KLF12: variants seen among roughly 807,000 people sequenced by gnomAD.
KLF12 encodes Krueppel-like factor 12.
KLF12 carries 9 observed loss-of-function variants against 37.8 expected under a neutral mutation model. The ratio of observed to expected loss-of-function variants is 0.24; its 90% CI spans 0.14 to 0.42. The LOEUF (loss-of-function observed/expected upper bound fraction) is 0.42. Among genes scored for constraint, KLF12 ranks in the 10% least tolerant of loss-of-function variants. KLF12 has a pLI of 1.00. For synonymous variants in KLF12, 208 were observed against 202.1 expected, an observed-to-expected ratio of 1.03 and a Z score of -0.25; for missense variants, 411 against 516.0, an observed-to-expected ratio of 0.80 and a Z score of 1.97.
chr13:73,748,057 T>C (rs558188029), intron 6 of KLF12, among the ~76,000 whole-genome samples: 27 of 152,282 alleles, frequency 1.8e-4, no homozygotes, highest in African/African-American at 6.0e-4. Flanking sequence ...GAGGGAAGTG[T>C]TGAAAACGAT....
chr13:73,913,740 A>T (rs1346248279), intron 3 of KLF12, among the ~76,000 whole-genome samples: 1 of 152,242 alleles, frequency 6.6e-6, no homozygotes, highest in Non-Finnish European at 1.5e-5. Context: ...TTTTATTTTT[A>T]GAAAGCACTT....
intron 3 of KLF12, among the ~76,000 whole-genome samples, chr13:73,856,338 T>A (rs1459639305): frequency 6.6e-6 from 1 of 152,124 alleles, no homozygotes; most frequent in Non-Finnish European, 1.5e-5. Context: ...ACAAGAATTT[T>A]AAAAAATGAT....
chr13:74,164,878 T>C, the KLF12 span, among the ~76,000 whole-genome samples: 3 of 152,048 alleles, frequency 2.0e-5, no homozygotes, highest in South Asian at 2.1e-4. Context: ...CTGATGGAGA[T>C]AGAGAGTAGA....
At chr13:73,886,023 T>C (rs1425293304) in intron 3 of KLF12, among the ~76,000 whole-genome samples, 1 of 152,184 alleles carries the variant, frequency 6.6e-6, no homozygotes, top group African/African-American at 2.4e-5. Flanking sequence ...TAAGGGATAG[T>C]TCTGATGGAT....
intron 3 of KLF12, among the ~76,000 whole-genome samples, chr13:73,920,841 GA>G (rs2139216001): frequency 6.6e-6 from 1 of 152,230 alleles, no homozygotes; most frequent in African/African-American, 2.4e-5. Flanking sequence ...GCAAGCCTCA[GA>G]ACCAAGAGGT....
intron 3 of KLF12, among the ~76,000 whole-genome samples, chr13:73,921,862 T>C (rs1042596308): frequency 6.6e-6 from 1 of 152,184 alleles, no homozygotes. Context: ...AGTGTCCTCT[T>C]GATTTGTTAA....
At chr13:73,715,317 G>T in intron 7 of KLF12, 51 bp downstream of exon 7, 1 of 1,556,386 alleles carries the variant, frequency 6.4e-7, no homozygotes, top group Non-Finnish European at 8.7e-7. Context: ...AGTGGCCGGC[G>T]CTTTATGGAC....
chr13:73,713,698 G>A (rs1875580432), intron 7 of KLF12, among the ~76,000 whole-genome samples: 1 of 152,202 alleles, frequency 6.6e-6, no homozygotes, highest in African/African-American at 2.4e-5. Context: ...CTCTCATGGT[G>A]TATGTTAGAA....
chr13:74,004,992 T>A (rs911315434), intron 1 of KLF12, among the ~76,000 whole-genome samples: 15 of 152,178 alleles, frequency 9.9e-5, no homozygotes, highest in Admixed American at 4.6e-4. Flanking sequence ...CATTCTTTGA[T>A]AACGTCTTTA....
At chr13:74,029,463 G>C (rs762460990) in intron 1 of KLF12, among the ~76,000 whole-genome samples, 2 of 151,888 alleles carry the variant, frequency 1.3e-5, no homozygotes, top group Non-Finnish European at 2.9e-5. Context: ...CATGTTATCT[G>C]GTCATATTTC....
chr13:74,054,838 C>G (rs2138616146), intron 1 of KLF12, among the ~76,000 whole-genome samples: 1 of 152,298 alleles, frequency 6.6e-6, no homozygotes, highest in Middle Eastern at 3.4e-3. Flanking sequence ...AAAAATTACT[C>G]ATAAGCTTAA....
chr13:74,105,293 G>C (rs1876594418), intron 1 of KLF12, among the ~76,000 whole-genome samples: 1 of 152,028 alleles, frequency 6.6e-6, no homozygotes, highest in Non-Finnish European at 1.5e-5. Context: ...AAATATATGA[G>C]TTTTATATCT....
At chr13:74,021,083 G>A (rs926018645) in intron 1 of KLF12, among the ~76,000 whole-genome samples, 8 of 152,152 alleles carry the variant, frequency 5.3e-5, no homozygotes, top group South Asian at 4.2e-4. Context: ...ATGTAAAGAC[G>A]GTGAAAAGGT....
intron 5 of KLF12, among the ~76,000 whole-genome samples, chr13:73,788,151 A>G (rs115951860): frequency 0.011 from 1,706 of 152,256 alleles, 36 homozygotes; most frequent in African/African-American, 0.039. Context: ...GCAAAATTGT[A>G]GTTTGTTCAT....
chr13:74,256,154 C>G, the KLF12 span, among the ~76,000 whole-genome samples: 1 of 75,620 alleles, frequency 1.3e-5, no homozygotes, highest in Non-Finnish European at 2.9e-5. Context: ...GACTCTGTCT[C>G]AAAAAAAAAA....
At chr13:73,779,387 T>C (rs1412718870) in intron 5 of KLF12, among the ~76,000 whole-genome samples, 2 of 152,150 alleles carry the variant, frequency 1.3e-5, no homozygotes, top group African/African-American at 4.8e-5. Flanking sequence ...CTCATGCCTA[T>C]GGAATGAAAC....
At chr13:73,860,008 T>C (rs950790933) in intron 3 of KLF12, among the ~76,000 whole-genome samples, 7 of 152,154 alleles carry the variant, frequency 4.6e-5, no homozygotes, top group Non-Finnish European at 4.4e-5. Flanking sequence ...ACCAATGTAA[T>C]AAAGCGGAAC....
At chr13:74,226,461 T>C in the KLF12 span, among the ~76,000 whole-genome samples, 2 of 152,146 alleles carry the variant, frequency 1.3e-5, no homozygotes, top group African/African-American at 4.8e-5. Flanking sequence ...TTTAACAAGT[T>C]TGTGGGACAT....
chr13:74,051,292 A>G (rs911036222), intron 1 of KLF12, among the ~76,000 whole-genome samples: 1 of 151,822 alleles, frequency 6.6e-6, no homozygotes, highest in African/African-American at 2.4e-5. Flanking sequence ...CTGTCCATCA[A>G]TGGATGAATG....
Sources: gnomAD v4.1 joint callset for allele counts (sites outside exome capture counted in the v4.1 genomes callset) on GRCh38, gnomAD v4.1.1 for gene constraint, MANE v1.5 for transcripts, NCBI Gene and HGNC (gene_info 2026-07-23, HGNC 2026-07-21) for gene names.